Variants in PPP1CB observed in about 807,000 individuals in gnomAD.
PPP1CB encodes protein phosphatase 1 catalytic subunit beta.
Under a neutral mutation model 43.7 loss-of-function variants are expected in PPP1CB, and 2 were observed. The ratio of observed to expected loss-of-function variants is 0.05; its 90% confidence interval spans 0.02 to 0.14. The LOEUF is 0.14. Ranked by LOEUF, PPP1CB falls within the 10% of genes least tolerant of loss-of-function variation. The probability of loss-of-function intolerance (pLI) is 1.00; values close to 1 mark genes in which losing one functional copy is unlikely to be tolerated. For missense variants in PPP1CB, 84 were observed against 398.0 expected, an observed-to-expected ratio of 0.21 and a Z score of 6.71; for synonymous variants, 136 against 135.6, an observed-to-expected ratio of 1.00 and a Z score of -0.02.
intron 1 of PPP1CB, among the ~76,000 whole-genome samples, chr2:28,776,591 G>GC (rs1177022741): frequency 6.6e-6 from 1 of 152,012 alleles, no homozygotes; most frequent in Non-Finnish European, 1.5e-5. Context: ...TGGCTACTAG[G>GC]CCCCAGGTTG....
At chr2:28,791,226 G>A (rs1572468529) in intron 6 of PPP1CB, among the ~76,000 whole-genome samples, 1 of 151,508 alleles carries the variant, frequency 6.6e-6, no homozygotes, top group South Asian at 2.1e-4. Context: ...TTTGCTTATT[G>A]TATATTACAT....
At chr2:28,755,931 A>G (rs1250261144) in intron 1 of PPP1CB, among the ~76,000 whole-genome samples, 1 of 152,244 alleles carries the variant, frequency 6.6e-6, no homozygotes, top group Non-Finnish European at 1.5e-5. Flanking sequence ...CCTGATTATG[A>G]AAGGGCAGCA....
intron 7 of PPP1CB, among the ~76,000 whole-genome samples, chr2:28,798,936 A>T (rs992923900): frequency 1.5e-5 from 2 of 130,880 alleles, no homozygotes; most frequent in African/African-American, 2.9e-5. Flanking sequence ...CACAACAGAG[A>T]TACACTAAGT....
intron 1 of PPP1CB, among the ~76,000 whole-genome samples, chr2:28,762,256 G>C (rs1301650523): frequency 6.6e-6 from 1 of 151,798 alleles, no homozygotes; most frequent in Non-Finnish European, 1.5e-5. Flanking sequence ...CTGCACTCCA[G>C]CCTGGGCGAC....
chr2:28,780,337 C>T (rs1051220973), intron 3 of PPP1CB, among the ~76,000 whole-genome samples: 5 of 152,068 alleles, frequency 3.3e-5, no homozygotes, highest in Admixed American at 6.5e-5. Flanking sequence ...GTGATCCACC[C>T]GCCTCGGCCT....
chr2:28,782,042 C>T (rs978090825), intron 4 of PPP1CB, 200 bp downstream of exon 4: 1 of 620,488 alleles, frequency 1.6e-6, no homozygotes, highest in African/African-American at 1.9e-5. Flanking sequence ...TCTTTAAATA[C>T]AGTTTCACAT....
intron 2 of PPP1CB, chr2:28,778,605 C>G (rs763819258): frequency 3.5e-6 from 2 of 564,064 alleles, no homozygotes; most frequent in African/African-American, 1.9e-5. Flanking sequence ...AGAGTGCAAG[C>G]AAGATGAAAG....
intron 1 of PPP1CB, among the ~76,000 whole-genome samples, chr2:28,760,434 A>C (rs1301050454): frequency 6.6e-6 from 1 of 152,218 alleles, no homozygotes; most frequent in Admixed American, 6.5e-5. Flanking sequence ...ACATTGTGTT[A>C]CAGTAGCCTG....
chr2:28,781,434 G>T (rs1238824580), intron 3 of PPP1CB, among the ~76,000 whole-genome samples: 2 of 152,064 alleles, frequency 1.3e-5, no homozygotes, highest in Non-Finnish European at 2.9e-5. Flanking sequence ...TCGATCTTCT[G>T]TATTTATTCC....
chr2:28,757,722 C>G (rs1666526641), intron 1 of PPP1CB, among the ~76,000 whole-genome samples: 1 of 152,110 alleles, frequency 6.6e-6, no homozygotes, highest in African/African-American at 2.4e-5. Flanking sequence ...TTAACTGATT[C>G]AGAGATTAGG....
intron 1 of PPP1CB, among the ~76,000 whole-genome samples, chr2:28,773,671 T>G (rs1446415402): frequency 6.1e-5 from 1 of 16,366 alleles, no homozygotes; most frequent in African/African-American, 1.5e-4. Context: ...GATTTCTTCC[T>G]TTTTTTCAGA....
chr2:28,779,582 C>A (rs1443875044), intron 3 of PPP1CB, among the ~76,000 whole-genome samples: 2 of 151,962 alleles, frequency 1.3e-5, no homozygotes, highest in Non-Finnish European at 2.9e-5. Flanking sequence ...TGTATGTTTC[C>A]AAGTGTTATT....
intron 1 of PPP1CB, among the ~76,000 whole-genome samples, chr2:28,769,849 ATAAC>A (rs1666864611): frequency 6.6e-6 from 1 of 152,240 alleles, no homozygotes; most frequent in Admixed American, 6.5e-5. Flanking sequence ...TAGTAAAAAA[ATAAC>A]TGATTACTCC....
chr2:28,782,088 C>G (rs1667166851), intron 4 of PPP1CB: 3 of 436,570 alleles, frequency 6.9e-6, no homozygotes, highest in Admixed American at 4.1e-5. Context: ...GAGAAAGTCT[C>G]CTTTGCCTCA....
At chr2:28,794,100 CTGTT>C (rs1382442839) in intron 7 of PPP1CB, 103 bp downstream of exon 7, 14 of 936,446 alleles carry the variant, frequency 1.5e-5, no homozygotes, top group South Asian at 1.2e-4. Context: ...TGTTGAAAGT[CTGTT>C]TAATTCAGAA....
intron 1 of PPP1CB, among the ~76,000 whole-genome samples, chr2:28,773,334 T>A (rs1027062565): frequency 6.6e-6 from 1 of 152,178 alleles, no homozygotes; most frequent in African/African-American, 2.4e-5. Context: ...GTGGAAAAAG[T>A]ACTGGCCTTT....
chr2:28,793,257 G>T (rs571310527), intron 6 of PPP1CB, among the ~76,000 whole-genome samples: 3 of 152,210 alleles, frequency 2.0e-5, no homozygotes, highest in African/African-American at 7.2e-5. Context: ...TTAATTTAAG[G>T]AGCATGATCC....
At chr2:28,791,365 CTG>C (rs1667380790) in intron 6 of PPP1CB, among the ~76,000 whole-genome samples, 1 of 152,014 alleles carries the variant, frequency 6.6e-6, no homozygotes, top group African/African-American at 2.4e-5. Flanking sequence ...GAGTCTCACA[CTG>C]TTTCCCGGGC....
At chr2:28,760,314 TTAAG>T (rs773386150) in intron 1 of PPP1CB, among the ~76,000 whole-genome samples, 74 of 152,354 alleles carry the variant, frequency 4.9e-4, no homozygotes, top group African/African-American at 1.3e-3. Context: ...GTAAAAAATG[TTAAG>T]TAAGCAAAGG....
Sources: gnomAD v4.1 joint callset for allele counts (sites outside exome capture counted in the v4.1 genomes callset) on GRCh38, gnomAD v4.1.1 for gene constraint, MANE v1.5 for transcripts, NCBI Gene and HGNC (gene_info 2026-07-23, HGNC 2026-07-21) for gene names.